ATG13: variants seen among roughly 807,000 people sequenced by gnomAD.
ATG13 encodes the protein autophagy related 13.
In ATG13, 23 loss-of-function variants were observed where a neutral mutation model predicts 65.5. The observed-to-expected ratio is 0.35, with a 90% CI of 0.25 to 0.50. The LOEUF (loss-of-function observed/expected upper bound fraction) is 0.50, where lower values mean the gene tolerates loss of function less well. Ranked by LOEUF, ATG13 falls within the 20% of genes least tolerant of loss-of-function variation. The pLI is 0.98. For synonymous variants in ATG13, 252 were observed against 245.2 expected, an observed-to-expected ratio of 1.03 and a Z score of -0.26; for missense variants, 566 against 677.0, an observed-to-expected ratio of 0.84 and a Z score of 1.82.
At position 46,664,846 on chromosome 11, in the gene ATG13, TAGCTCTCA is replaced by T. The variant is rs1269883796; in HGVS notation, c.894_901del (p.Ser299ProfsTer14). ...TTCTCCTCTTTGTTTTTCTCTTGCT[TAGCTCTCA>T]AGCTCTCGCCTTTCCTATCAGCCTG... On this transcript the variant is annotated splice_acceptor_variant and coding_sequence_variant, in exon 13 of 19. Coordinates refer to ENST00000683050, the MANE Select transcript of ATG13 (RefSeq NM_001346311.2). LOFTEE classifies it high-confidence loss of function. 1 of 1,612,766 alleles carries T rather than the reference TAGCTCTCA, an allele frequency of 6.2e-7. No homozygotes were observed. Among genetic ancestry groups the T allele is most frequent in the Non-Finnish European group, 8.5e-7 (1 of 1,178,986 alleles).
intron 2 of ATG13, among the ~76,000 whole-genome samples, chr11:46,643,228 C>G (rs1591774910): frequency 6.6e-6 from 1 of 152,088 alleles, no homozygotes; most frequent in African/African-American, 2.4e-5. Flanking sequence ...CGGTTCTTGC[C>G]CAGTTTAGCT....
At chr11:46,633,451 G>C (rs2052713978) in intron 2 of ATG13, among the ~76,000 whole-genome samples, 1 of 150,842 alleles carries the variant, frequency 6.6e-6, no homozygotes. Context: ...GTATTCAAGT[G>C]ATTCTTGTGC....
chr11:46,650,928 G>T (rs767498606), intron 7 of ATG13, among the ~76,000 whole-genome samples: 2 of 152,140 alleles, frequency 1.3e-5, no homozygotes, highest in Non-Finnish European at 2.9e-5. Context: ...TTGAAAAACA[G>T]TCTATACTGG....
rs76848494 is a variant in ATG13, at chr11:46,668,704, A to G, written c.1330-90A>G. The G allele has an allele frequency of 4.0e-3, 6,018 of 1,489,752 alleles. 209 individuals carry two copies. In the African/African-American group the frequency reaches 0.074, roughly 18 times the overall value. The allele number at this position is 1,489,752 out of a possible 1,614,324, so 92.3% of individuals were successfully genotyped here. A position where few individuals can be genotyped will look rare whatever the true frequency, so the allele number is the denominator to read the frequency against. On this transcript the variant is annotated intron_variant, in intron 16 of 18. Coordinates refer to ENST00000683050, the MANE Select transcript of ATG13 (RefSeq NM_001346311.2). Reference sequence around the variant, plus strand: ...CTCGGCTTACGGGTTTGTAGCCAGCATTAAGTTCTTCCCAGAATTTTCAGA... The same window carrying G: ...CTCGGCTTACGGGTTTGTAGCCAGCGTTAAGTTCTTCCCAGAATTTTCAGA...
At chr11:46,661,015 G>C (rs996688367) in intron 11 of ATG13, among the ~76,000 whole-genome samples, 58 of 151,832 alleles carry the variant, frequency 3.8e-4, no homozygotes, top group Middle Eastern at 6.8e-3. Context: ...CAGCCCTTCT[G>C]TGTTTTTTGT....
chr11:46,623,529 G>A (rs1395297117), intron 1 of ATG13, among the ~76,000 whole-genome samples: 2 of 151,726 alleles, frequency 1.3e-5, no homozygotes, highest in South Asian at 4.2e-4. Context: ...CCGGGTTCAA[G>A]CAGTTCTCCT....
chr11:46,657,369 C>G (rs995266322), intron 9 of ATG13, 155 bp from the exon 10 acceptor site: 5 of 934,600 alleles, frequency 5.3e-6, no homozygotes, highest in African/African-American at 1.6e-5. Context: ...CCAGTTTGTC[C>G]AGAACGTAGG....
At chr11:46,669,230 A>C (rs1391628837) in intron 17 of ATG13, among the ~76,000 whole-genome samples, 174 bp from the exon 18 acceptor site, 1 of 152,216 alleles carries the variant, frequency 6.6e-6, no homozygotes, top group Non-Finnish European at 1.5e-5. Context: ...GTGGAGAGGA[A>C]TATTATCACC....
At chr11:46,656,932 C>CGCACAT (rs1280516337) in intron 8 of ATG13, 163 bp from the exon 9 acceptor site, 48 of 593,182 alleles carry the variant, frequency 8.1e-5, no homozygotes, top group African/African-American at 4.9e-4. Context: ...CGCACATACA[C>CGCACAT]ACACACACAC....
intron 2 of ATG13, among the ~76,000 whole-genome samples, chr11:46,632,900 C>T (rs1268216273): frequency 1.3e-5 from 2 of 150,350 alleles, no homozygotes; most frequent in African/African-American, 4.9e-5. Flanking sequence ...CAGTGGCTCA[C>T]AACTGTAATC....
chr11:46,662,225 C>A (rs1237386287), intron 11 of ATG13, among the ~76,000 whole-genome samples: 1 of 152,040 alleles, frequency 6.6e-6, no homozygotes. Flanking sequence ...TAATATTTTT[C>A]TTTTTATTTT....
chr11:46,618,218 A>T, intron 1 of ATG13: 1 of 245,436 alleles, frequency 4.1e-6, no homozygotes, highest in Non-Finnish European at 7.7e-6. Flanking sequence ...GTTTTCATTC[A>T]ATCAAGATTT....
intron 1 of ATG13, among the ~76,000 whole-genome samples, chr11:46,629,500 G>A (rs571479391): frequency 3.9e-5 from 6 of 152,110 alleles, no homozygotes; most frequent in Admixed American, 1.3e-4. Context: ...GAGTTGAAGC[G>A]ATTCTCCTGC....
intron 2 of ATG13, among the ~76,000 whole-genome samples, chr11:46,631,926 C>G (rs2051910987): frequency 6.6e-6 from 1 of 152,120 alleles, no homozygotes; most frequent in Non-Finnish European, 1.5e-5. Flanking sequence ...TGCATGTTCT[C>G]TTACACTTTG....
chr11:46,665,266 T>G (rs953504543), intron 13 of ATG13, 117 bp from the exon 14 acceptor site: 1 of 1,288,082 alleles, frequency 7.8e-7, no homozygotes, highest in South Asian at 1.4e-5. Context: ...TGCTGCCTAC[T>G]TGGTGGCAGC....
intron 3 of ATG13, among the ~76,000 whole-genome samples, chr11:46,644,579 AAAAAAATT>A (rs1253691350): frequency 6.7e-6 from 1 of 149,724 alleles, no homozygotes; most frequent in East Asian, 1.9e-4. Context: ...CTTGTTCAAA[AAAAAAATT>A]TTTTTTTTTT....
chr11:46,648,935 T>G, intron 5 of ATG13: 1 of 413,184 alleles, frequency 2.4e-6, no homozygotes, highest in Non-Finnish European at 4.2e-6. Flanking sequence ...CCATGACGTA[T>G]TTATTAAGAA....
intron 1 of ATG13, chr11:46,618,218 A>C (rs1031335322): frequency 2.4e-5 from 6 of 245,318 alleles, no homozygotes; most frequent in Admixed American, 2.2e-4. Flanking sequence ...GTTTTCATTC[A>C]ATCAAGATTT....
chr11:46,643,523 G>T (rs573850705), intron 2 of ATG13, among the ~76,000 whole-genome samples: 1 of 151,396 alleles, frequency 6.6e-6, no homozygotes, highest in African/African-American at 2.4e-5. Flanking sequence ...AATTTGCTCT[G>T]TATTGTTTAT....
Sources: allele counts gnomAD v4.1 joint callset (sites outside exome capture counted in the v4.1 genomes callset), GRCh38; gene constraint gnomAD v4.1.1; transcripts MANE v1.5; gene names NCBI Gene and HGNC (gene_info 2026-07-23, HGNC 2026-07-21).